Variants in CFAP299 observed in about 807,000 individuals in gnomAD.
The protein encoded by CFAP299 is cilia and flagella associated protein 299.
CFAP299 carries 21 observed loss-of-function variants against 27.0 expected under a neutral mutation model. That is an observed-to-expected ratio of 0.78 (90% CI 0.55 to 1.12). The LOEUF (loss-of-function observed/expected upper bound fraction) is 1.12. Among genes scored for constraint, CFAP299 ranks in the 50% most tolerant of loss-of-function variants. CFAP299 has a pLI of 0.00. For synonymous variants in CFAP299, 104 were observed against 98.1 expected (o/e 1.06, Z -0.36); for missense variants, 310 against 276.6 (o/e 1.12, Z -0.86).
intron 2 of CFAP299, among the ~76,000 whole-genome samples, chr4:80,466,583 G>A (rs1370946851): frequency 6.6e-6 from 1 of 152,154 alleles, no homozygotes; most frequent in Non-Finnish European, 1.5e-5. Context: ...TAAAACGATG[G>A]TAAAAATGGC....
intron 3 of CFAP299, among the ~76,000 whole-genome samples, chr4:80,693,412 T>C (rs1445634392): frequency 2.6e-5 from 4 of 151,196 alleles, no homozygotes; most frequent in African/African-American, 7.3e-5. Context: ...ATGGATGAAA[T>C]TGGAAATCAT....
At chr4:80,383,468 C>G (rs1371059535) in intron 2 of CFAP299, among the ~76,000 whole-genome samples, 1 of 152,098 alleles carries the variant, frequency 6.6e-6, no homozygotes, top group Non-Finnish European at 1.5e-5. Flanking sequence ...ATTAATTTTT[C>G]TTTCAAGGAA....
chr4:80,793,630 C>T (rs1727696290), intron 3 of CFAP299, among the ~76,000 whole-genome samples: 1 of 152,130 alleles, frequency 6.6e-6, no homozygotes, highest in Non-Finnish European at 1.5e-5. Context: ...ATCCTTCGTA[C>T]AACCAGAAAC....
chr4:80,730,058 C>T (rs1032846783), intron 3 of CFAP299, among the ~76,000 whole-genome samples: 1 of 152,026 alleles, frequency 6.6e-6, no homozygotes, highest in Non-Finnish European at 1.5e-5. Context: ...TCAAATAGAC[C>T]ATTCAGACAT....
chr4:80,909,774 A>G (rs1735374619), intron 4 of CFAP299, among the ~76,000 whole-genome samples: 1 of 152,096 alleles, frequency 6.6e-6, no homozygotes, highest in African/African-American at 2.4e-5. Flanking sequence ...TTTTAAAAAG[A>G]ACAAATAGTT....
chr4:80,467,447 C>G (rs191479209), intron 2 of CFAP299, among the ~76,000 whole-genome samples: 21 of 152,234 alleles, frequency 1.4e-4, no homozygotes, highest in Admixed American at 1.3e-3. Flanking sequence ...TGAATAGTCC[C>G]TTCCTCTTTC....
At chr4:80,740,995 T>C (rs1560728017) in intron 3 of CFAP299, among the ~76,000 whole-genome samples, 1 of 152,204 alleles carries the variant, frequency 6.6e-6, no homozygotes, top group Non-Finnish European at 1.5e-5. Context: ...AGCCTAGACC[T>C]GGATTTGGTG....
At chr4:80,921,864 G>A (rs1471623410) in intron 4 of CFAP299, among the ~76,000 whole-genome samples, 1 of 151,896 alleles carries the variant, frequency 6.6e-6, no homozygotes, top group African/African-American at 2.4e-5. Flanking sequence ...AGGGAATCTG[G>A]TGGTGAATGA....
chr4:80,711,451 A>G (rs1317091665), intron 3 of CFAP299, among the ~76,000 whole-genome samples: 1 of 152,210 alleles, frequency 6.6e-6, no homozygotes, highest in Non-Finnish European at 1.5e-5. Context: ...CTGAGTGTTC[A>G]TTCAGCTATC....
At position 80,837,569 on chromosome 4, in the gene CFAP299, A is replaced by AAT. The variant is rs895566749; in HGVS notation, c.334-32422_334-32421dup. On this transcript the variant is annotated intron_variant, in intron 3 of 5. Coordinates refer to ENST00000358105, the MANE Select transcript of CFAP299 (RefSeq NM_152770.3). Reference sequence around the variant, plus strand: ...TCTGTTCCTTTGTTAGTTTGCTGAGAATAATGTTTTCCAGCTTCATCTATG... The same window carrying AAT: ...TCTGTTCCTTTGTTAGTTTGCTGAGAATATAATGTTTTCCAGCTTCATCTATG... Among the ~76,000 whole-genome samples the AAT allele has an allele frequency of 3.5e-4, 53 of 152,228 alleles. 1 individual carries two copies. The highest frequency in any genetic ancestry group is 1.2e-3 in the African/African-American group (51 of 41,522).
intron 3 of CFAP299, among the ~76,000 whole-genome samples, chr4:80,637,417 G>T (rs1456380727): frequency 5.9e-5 from 9 of 152,166 alleles, no homozygotes; most frequent in Non-Finnish European, 1.5e-5. Context: ...GACAGATTAT[G>T]CCAGACTGCA....
At chr4:80,696,925 AG>A (rs1721133960) in intron 3 of CFAP299, among the ~76,000 whole-genome samples, 1 of 152,362 alleles carries the variant, frequency 6.6e-6, no homozygotes, top group Non-Finnish European at 1.5e-5. Context: ...ATAGACAAGC[AG>A]TTAGGATCAT....
Position 80,520,949 on chromosome 4 carries a change from G to A in CFAP299, c.243-62144G>A, listed in dbSNP as rs546356785. 6.5e-4 allele frequency among the ~76,000 whole-genome samples: 99 copies of A among 152,224 alleles called. No individual in the cohort carries two copies. The Middle Eastern group carries it at 0.01, about 16-fold the overall frequency. ...GCTAGGAACATGACTCCTATGAAATGCACATTTACAGAGTACATGGTGGGG... is the reference window on the plus strand; with the variant it reads ...GCTAGGAACATGACTCCTATGAAATACACATTTACAGAGTACATGGTGGGG... On this transcript the variant is annotated intron_variant, in intron 2 of 5. Transcript: ENST00000358105.
Position 80,500,850 on chromosome 4 carries a change from T to G in CFAP299, c.243-82243T>G, listed in dbSNP as rs76135089. Among the ~76,000 whole-genome samples, 375 of 152,226 alleles carry G rather than the reference T, an allele frequency of 2.5e-3. 1 individual carries two copies. The highest frequency in any genetic ancestry group is 4.3e-3 in the Non-Finnish European group (292 of 67,970). ...CCACAGGAAGTGATTTTACTTCTTT[T>G]TATAAAACCCCTTTTCCCTTCATCA... On this transcript the variant is annotated intron_variant, in intron 2 of 5. Coordinates refer to ENST00000358105, the MANE Select transcript of CFAP299 (RefSeq NM_152770.3).
intron 1 of CFAP299, among the ~76,000 whole-genome samples, chr4:80,341,066 G>A (rs959634339): frequency 3.3e-5 from 5 of 152,196 alleles, no homozygotes; most frequent in African/African-American, 9.6e-5. Flanking sequence ...GTGAGCCACC[G>A]TGCCTGGCCC....
At chr4:80,490,141 T>C (rs903005293) in intron 2 of CFAP299, among the ~76,000 whole-genome samples, 16 of 152,332 alleles carry the variant, frequency 1.1e-4, no homozygotes, top group Middle Eastern at 3.4e-3. Flanking sequence ...TTTATCATGA[T>C]CCATGTTACC....
intron 2 of CFAP299, among the ~76,000 whole-genome samples, chr4:80,504,216 G>C (rs1731882282): frequency 1.3e-5 from 2 of 151,710 alleles, no homozygotes; most frequent in South Asian, 4.2e-4. Flanking sequence ...GTTGGTGGTA[G>C]AGAGAGCCTG....
intron 2 of CFAP299, among the ~76,000 whole-genome samples, chr4:80,444,587 C>T (rs1226073851): frequency 6.6e-6 from 1 of 152,114 alleles, no homozygotes; most frequent in Non-Finnish European, 1.5e-5. Flanking sequence ...TACAAGAAAA[C>T]CTAGGCAATA....
chr4:80,852,252 C>T (rs1001972051), intron 3 of CFAP299, among the ~76,000 whole-genome samples: 1 of 152,126 alleles, frequency 6.6e-6, no homozygotes, highest in African/African-American at 2.4e-5. Flanking sequence ...GCAGAATCAG[C>T]GTCATCTGAG....
Sources: gnomAD v4.1 joint callset for allele counts (sites outside exome capture counted in the v4.1 genomes callset) on GRCh38, gnomAD v4.1.1 for gene constraint, MANE v1.5 for transcripts, NCBI Gene and HGNC (gene_info 2026-07-23, HGNC 2026-07-21) for gene names.